Variants in MEF2D observed in about 807,000 individuals in gnomAD.
MEF2D encodes the protein myocyte enhancer factor 2D.
MEF2D carries 10 observed loss-of-function variants against 59.3 expected under a neutral mutation model. The observed-to-expected ratio is 0.17, with a 90% confidence interval of 0.10 to 0.29. The LOEUF (loss-of-function observed/expected upper bound fraction) is 0.29, where lower values mean the gene tolerates loss of function less well. Ranked by LOEUF, MEF2D falls within the 10% of genes least tolerant of loss-of-function variation. The probability of loss-of-function intolerance (pLI) is 1.00; values close to 1 mark genes in which losing one functional copy is unlikely to be tolerated. For synonymous variants in MEF2D, 305 were observed against 295.0 expected (o/e 1.03, Z -0.35); for missense variants, 508 against 699.4 (o/e 0.73, Z 3.09).
At chr1:156,471,811 C>T (rs562447399) in intron 9 of MEF2D, among the ~76,000 whole-genome samples, 54 of 152,344 alleles carry the variant, frequency 3.5e-4, no homozygotes, top group Non-Finnish European at 6.3e-4. Context: ...TGTTTACACA[C>T]CTAGGGTCAC....
intron 9 of MEF2D, among the ~76,000 whole-genome samples, chr1:156,473,754 C>T (rs375707443): frequency 1.3e-5 from 2 of 152,328 alleles, no homozygotes; most frequent in African/African-American, 4.8e-5. Flanking sequence ...AGAGACCTTT[C>T]TCATGTCCTT....
At chr1:156,500,029 C>T (rs1673389140) in intron 1 of MEF2D, among the ~76,000 whole-genome samples, 1 of 152,112 alleles carries the variant, frequency 6.6e-6, no homozygotes, top group African/African-American at 2.4e-5. Flanking sequence ...CCTTCTGCAC[C>T]ATTTCGGGCC....
chr1:156,468,229 A>C lies in MEF2D; in HGVS notation c.1318T>G (p.Ser440Ala), dbSNP rs768363856. The change falls in exon 11 of 12, where the codon TCA becomes GCA. Residue 440 changes from serine to alanine, a missense_variant. By Grantham distance (99) the Ser-to-Ala change is moderately conservative. Coordinates refer to ENST00000348159, the MANE Select transcript of MEF2D (RefSeq NM_005920.4). This position sits in a 1 kb window ranked among gnomAD's most constrained non-coding sequence, Gnocchi z 4.3. Reference sequence around the variant, plus strand: ...TCACGGCTTGGGGACACCGGTTCTGACTTGATGCTGATGTGGGGGTGGGTG... The same window carrying C: ...TCACGGCTTGGGGACACCGGTTCTGCCTTGATGCTGATGTGGGGGTGGGTG... The part of the protein sequence containing the change: ...VTTHPHISIK[S>A]EPVSPSRERS... 6.2e-7 allele frequency: 1 copy of C among 1,605,298 alleles called. No homozygotes were observed. Among genetic ancestry groups the C allele is most frequent in the Non-Finnish European group, 8.5e-7 (1 of 1,174,282 alleles).
intron 1 of MEF2D, among the ~76,000 whole-genome samples, chr1:156,487,231 G>A (rs1328241329): frequency 6.6e-6 from 1 of 152,236 alleles, no homozygotes; most frequent in East Asian, 1.9e-4. Context: ...TCAGGGCTGA[G>A]AAGGCAGGGA....
At chr1:156,480,560 A>G in intron 4 of MEF2D, 1 of 1,376,434 alleles carries the variant, frequency 7.3e-7, no homozygotes, top group East Asian at 2.5e-5. Context: ...CTCAGAGCGG[A>G]GCACCCATCA....
intron 1 of MEF2D, among the ~76,000 whole-genome samples, chr1:156,485,525 T>TC (rs1054281960): frequency 2.6e-4 from 6 of 23,300 alleles, no homozygotes; most frequent in Admixed American, 4.3e-4. Context: ...CCTTCTTCTT[T>TC]TTTTTTTTTT....
At chr1:156,497,298 A>G (rs1366125702) in intron 1 of MEF2D, among the ~76,000 whole-genome samples, 2 of 152,272 alleles carry the variant, frequency 1.3e-5, no homozygotes, top group African/African-American at 2.4e-5. Flanking sequence ...AGCCACCAGC[A>G]ATTACAGTGA....
At chr1:156,479,474 A>G (rs1292215579) in intron 5 of MEF2D, 112 bp downstream of exon 5, 1 of 1,490,954 alleles carries the variant, frequency 6.7e-7, no homozygotes, top group East Asian at 2.5e-5. Context: ...AGCCATACAA[A>G]TGGCGGAATG....
chr1:156,483,142 C>G lies in MEF2D; in HGVS notation c.54+97G>C, dbSNP rs1303250913. 4 of 1,285,742 alleles carry G rather than the reference C, an allele frequency of 3.1e-6. No homozygotes were observed. In the African/African-American group the frequency reaches 5.9e-5, roughly 19 times the overall value. 79.6% of individuals were successfully genotyped at this position (1,285,742 alleles called of 1,614,324 possible). On this transcript the variant is annotated intron_variant, in intron 2 of 11. Transcript: ENST00000348159. The stretch of plus-strand genomic sequence containing the variant: ...CTTCTGTAATAGCTTATAGTTTCCC[C>G]TCTTCCACAAAGCCCTCTTGGAATG...
chr1:156,495,110 G>A (rs1231023146), intron 1 of MEF2D, among the ~76,000 whole-genome samples: 1 of 152,136 alleles, frequency 6.6e-6, no homozygotes. Context: ...TTGCTTTGGG[G>A]GCTTTCTCCA....
intron 1 of MEF2D, 46 bp downstream of exon 1, chr1:156,500,440 G>A (rs1673429202): frequency 1.3e-5 from 2 of 152,374 alleles, no homozygotes; most frequent in African/African-American, 2.4e-5. Context: ...CCGGGTGGGG[G>A]AGGGGGCCTC....
chr1:156,484,899 G>A (rs1001421535), intron 1 of MEF2D, among the ~76,000 whole-genome samples: 2 of 152,182 alleles, frequency 1.3e-5, no homozygotes, highest in Admixed American at 6.5e-5. Flanking sequence ...ACGGAGGCAC[G>A]GAATGACTTC....
intron 1 of MEF2D, among the ~76,000 whole-genome samples, chr1:156,500,072 G>GA (rs1258603466): frequency 6.6e-6 from 1 of 152,162 alleles, no homozygotes; most frequent in Non-Finnish European, 1.5e-5. Context: ...AGAGGAGGGA[G>GA]AGGGAGGGAG....
rs1673093924 is a variant in MEF2D, at chr1:156,495,762, C to CCAAAAAAAAAAA, written c.-139+4723_-139+4724insTTTTTTTTTTTG. ...GGGTAAAGCTCCTTTGACCAGGGGG[C>CCAAAAAAAAAAA]AAAAAAAAAAAAAAAAGCTCCCTCT... is the stretch of plus-strand genomic sequence containing the variant. On this transcript the variant is annotated intron_variant, in intron 1 of 11. Coordinates refer to ENST00000348159, the MANE Select transcript of MEF2D (RefSeq NM_005920.4). 3.8e-5 allele frequency among the ~76,000 whole-genome samples: 3 copies of CCAAAAAAAAAAA among 78,014 alleles called. No homozygotes were observed. The Admixed American group carries it at 5.7e-4, about 15-fold the overall frequency. 51.2% of individuals were successfully genotyped at this position (78,014 alleles called of 152,430 possible).
chr1:156,470,224 A>C (rs541403250), intron 9 of MEF2D, among the ~76,000 whole-genome samples: 4 of 152,282 alleles, frequency 2.6e-5, no homozygotes, highest in South Asian at 4.1e-4. Context: ...GTTCAAGATT[A>C]GCCTGGCCAA....
chr1:156,481,167 G>A (rs1418494544), intron 3 of MEF2D, among the ~76,000 whole-genome samples, 196 bp from the exon 4 acceptor site: 1 of 152,198 alleles, frequency 6.6e-6, no homozygotes, highest in Non-Finnish European at 1.5e-5. Context: ...GGGCTTGGTG[G>A]GAGCTGTCGG....
At chr1:156,487,937 T>C (rs566624370) in intron 1 of MEF2D, among the ~76,000 whole-genome samples, 30 of 152,350 alleles carry the variant, frequency 2.0e-4, no homozygotes, top group African/African-American at 7.2e-4. Flanking sequence ...GCCCAGGGCT[T>C]GGGAGGACTT....
intron 1 of MEF2D, among the ~76,000 whole-genome samples, chr1:156,485,327 C>T (rs1019465468): frequency 1.5e-4 from 23 of 152,092 alleles, no homozygotes; most frequent in Non-Finnish European, 2.6e-4. Context: ...GCCTTGGTCT[C>T]TTGCTCATGA....
chr1:156,477,583 A>G (rs1402390942), intron 6 of MEF2D, among the ~76,000 whole-genome samples: 1 of 152,172 alleles, frequency 6.6e-6, no homozygotes, highest in Non-Finnish European at 1.5e-5. Flanking sequence ...ACAGACAGGA[A>G]GTCCAGCATT....
Sources: gnomAD v4.1 joint callset for allele counts (sites outside exome capture counted in the v4.1 genomes callset) on GRCh38, gnomAD v4.1.1 for gene constraint, Gnocchi (gnomAD v3.1) non-coding constraint, MANE v1.5 for transcripts, NCBI Gene and HGNC (gene_info 2026-07-23, HGNC 2026-07-21) for gene names.